LINGO2: variants seen among roughly 807,000 people sequenced by gnomAD.
The protein encoded by LINGO2 is leucine-rich repeat and immunoglobulin-like domain-containing nogo receptor-interacting protein 2.
LINGO2 carries 14 observed loss-of-function variants against 30.6 expected under a neutral mutation model. That is an observed-to-expected ratio of 0.46 (90% CI 0.30 to 0.72). The LOEUF (loss-of-function observed/expected upper bound fraction) is 0.72, where lower values mean the gene tolerates loss of function less well. Ranked by LOEUF, LINGO2 falls within the 30% of genes least tolerant of loss-of-function variation. The probability of loss-of-function intolerance (pLI) is 0.07; values close to 1 mark genes in which losing one functional copy is unlikely to be tolerated. For missense variants in LINGO2, 729 were observed against 751.7 expected, an observed-to-expected ratio of 0.97 and a Z score of 0.35; for synonymous variants, 317 against 288.5, an observed-to-expected ratio of 1.10 and a Z score of -1.00.
intron 1 of LINGO2, among the ~76,000 whole-genome samples, chr9:28,591,469 G>T (rs1587924325): frequency 6.6e-6 from 1 of 152,090 alleles, no homozygotes; most frequent in African/African-American, 2.4e-5. Context: ...GACCCCAAGA[G>T]AAATGAAAAG....
At chr9:28,280,206 A>C (rs1386652814) in intron 4 of LINGO2, among the ~76,000 whole-genome samples, 1 of 152,172 alleles carries the variant, frequency 6.6e-6, no homozygotes, top group Non-Finnish European at 1.5e-5. Context: ...TGAATTCAGC[A>C]AAAATTTTTG....
At chr9:28,316,308 CTT>C (rs1824843860) in intron 3 of LINGO2, among the ~76,000 whole-genome samples, 1 of 151,592 alleles carries the variant, frequency 6.6e-6, no homozygotes, top group African/African-American at 2.4e-5. Flanking sequence ...ATTATCTACT[CTT>C]ATCAAAATAA....
chr9:28,506,959 T>C (rs1820165235), intron 1 of LINGO2, among the ~76,000 whole-genome samples: 2 of 152,006 alleles, frequency 1.3e-5, no homozygotes, highest in South Asian at 4.1e-4. Flanking sequence ...TTCAAAAGAA[T>C]TACAAAGGGA....
At chr9:29,182,702 C>A in the LINGO2 span, among the ~76,000 whole-genome samples, 2 of 142,574 alleles carry the variant, frequency 1.4e-5, no homozygotes, top group East Asian at 4.1e-4. Context: ...TTTTTTTTTT[C>A]ATTTGTTTCC....
intron 4 of LINGO2, among the ~76,000 whole-genome samples, chr9:28,273,172 C>T (rs545340572): frequency 2.6e-5 from 4 of 152,250 alleles, no homozygotes; most frequent in Admixed American, 1.3e-4. Flanking sequence ...TTATTTCTTG[C>T]GTATTGTATA....
chr9:28,406,188 C>G (rs1400646910), intron 2 of LINGO2, among the ~76,000 whole-genome samples: 1 of 152,080 alleles, frequency 6.6e-6, no homozygotes, highest in Non-Finnish European at 1.5e-5. Flanking sequence ...CCTGTAATCC[C>G]AGCACTTAGG....
intron 4 of LINGO2, among the ~76,000 whole-genome samples, chr9:28,204,731 A>C (rs1413623352): frequency 6.6e-6 from 1 of 152,198 alleles, no homozygotes; most frequent in African/African-American, 2.4e-5. Flanking sequence ...TTTATGAAAG[A>C]AAGGAGAGAC....
chr9:28,111,554 A>G (rs1826791336), intron 4 of LINGO2, among the ~76,000 whole-genome samples: 1 of 152,150 alleles, frequency 6.6e-6, no homozygotes, highest in African/African-American at 2.4e-5. Context: ...TAGGAAGGGA[A>G]TAATCCAAGT....
intron 3 of LINGO2, among the ~76,000 whole-genome samples, chr9:28,337,937 C>A (rs1389602903): frequency 6.6e-6 from 1 of 152,162 alleles, no homozygotes; most frequent in East Asian, 1.9e-4. Flanking sequence ...ACTTCCCACA[C>A]AGAGTCCCCA....
chr9:29,199,698 C>T, the LINGO2 span, among the ~76,000 whole-genome samples: 1 of 152,088 alleles, frequency 6.6e-6, no homozygotes, highest in African/African-American at 2.4e-5. Flanking sequence ...AAAGAAATGT[C>T]ACTATTCATG....
At chr9:28,736,767 G>A in the LINGO2 span, among the ~76,000 whole-genome samples, 1 of 152,104 alleles carries the variant, frequency 6.6e-6, no homozygotes, top group Non-Finnish European at 1.5e-5. Context: ...TCCAGCCTGG[G>A]CAACAAGAGC....
the LINGO2 span, among the ~76,000 whole-genome samples, chr9:29,210,877 TCA>T: frequency 6.6e-6 from 1 of 152,152 alleles, no homozygotes; most frequent in Non-Finnish European, 1.5e-5. Context: ...TTTTTCTTCC[TCA>T]CACTCCAACT....
the LINGO2 span, among the ~76,000 whole-genome samples, chr9:28,801,188 C>G: frequency 6.6e-6 from 1 of 152,048 alleles, no homozygotes; most frequent in South Asian, 2.1e-4. Flanking sequence ...GTAATTAGAG[C>G]TCTTGCCAAT....
At chr9:28,421,433 C>T (rs575425408) in intron 2 of LINGO2, among the ~76,000 whole-genome samples, 1 of 149,180 alleles carries the variant, frequency 6.7e-6, no homozygotes, top group Non-Finnish European at 1.5e-5. Flanking sequence ...AAAAAAAAGC[C>T]ATCCTAAAAT....
the LINGO2 span, among the ~76,000 whole-genome samples, chr9:28,966,545 A>C: frequency 6.6e-6 from 1 of 152,104 alleles, no homozygotes; most frequent in Non-Finnish European, 1.5e-5. Context: ...CATTATGTGA[A>C]ATATGTAGTA....
intron 3 of LINGO2, among the ~76,000 whole-genome samples, chr9:28,300,810 C>A (rs1824111598): frequency 6.6e-6 from 1 of 151,470 alleles, no homozygotes; most frequent in Non-Finnish European, 1.5e-5. Context: ...TGCTCATAGT[C>A]TAGTAGTGTG....
chr9:29,032,487 G>A, the LINGO2 span, among the ~76,000 whole-genome samples: 1 of 152,146 alleles, frequency 6.6e-6, no homozygotes, highest in South Asian at 2.1e-4. Context: ...TTGTCTTCAT[G>A]AAACTTTTGA....
the LINGO2 span, among the ~76,000 whole-genome samples, chr9:28,847,971 GTA>G: frequency 1.5e-4 from 15 of 97,154 alleles, no homozygotes; most frequent in Admixed American, 3.6e-4. Flanking sequence ...ACATATATAT[GTA>G]TATATGTGTA....
At chr9:29,081,197 A>T in the LINGO2 span, among the ~76,000 whole-genome samples, 2 of 152,248 alleles carry the variant, frequency 1.3e-5, no homozygotes, top group Middle Eastern at 3.4e-3. Context: ...GGCAAACCGA[A>T]TCCAGCAGCA....
Sources: allele counts gnomAD v4.1 joint callset (sites outside exome capture counted in the v4.1 genomes callset), GRCh38; gene constraint gnomAD v4.1.1; transcripts MANE v1.5; gene names NCBI Gene and HGNC (gene_info 2026-07-23, HGNC 2026-07-21).